The following DEFB119 variants were observed in gnomAD, a reference collection of about 807,000 sequenced individuals.
The protein encoded by DEFB119 is defensin beta 119.
A neutral mutation model predicts 2.5 loss-of-function variants in DEFB119; 3 were observed. That is an observed-to-expected ratio of 1.19 (90% CI 0.54 to 3.07). The LOEUF is 3.07. DEFB119 is among the 30% of genes most tolerant of loss of function. The pLI is 0.03. For missense variants in DEFB119, 113 were observed against 101.1 expected, an observed-to-expected ratio of 1.12 and a Z score of -0.50; for synonymous variants, 29 against 33.7, an observed-to-expected ratio of 0.86 and a Z score of 0.48.
intron 1 of DEFB119, among the ~76,000 whole-genome samples, chr20:31,381,987 G>A (rs751849923): frequency 5.9e-5 from 9 of 152,192 alleles, no homozygotes; most frequent in Non-Finnish European, 1.2e-4. Context: ...AAGAGGGCTG[G>A]TATGACTTTA....
At chr20:31,387,816 G>A (rs146044236) in intron 1 of DEFB119, among the ~76,000 whole-genome samples, 320 of 152,296 alleles carry the variant, frequency 2.1e-3, no homozygotes, top group African/African-American at 7.0e-3. Flanking sequence ...GAGGAGGGCA[G>A]GCAGAGGCTC....
chr20:31,386,810 C>CTTTTTTT (rs148428945), intron 1 of DEFB119, among the ~76,000 whole-genome samples: 825 of 108,852 alleles, frequency 7.6e-3, no homozygotes, highest in Middle Eastern at 0.014. Flanking sequence ...TTTTCTTTTT[C>CTTTTTTT]TTTTTTTTTT....
chr20:31,387,987 G>A, intron 1 of DEFB119: 1 of 850,550 alleles, frequency 1.2e-6, no homozygotes. Flanking sequence ...CTGTCTCTAT[G>A]CCATGAACCA....
At chr20:31,388,077 A>T in intron 1 of DEFB119, 1 of 985,442 alleles carries the variant, frequency 1.0e-6, no homozygotes, top group Non-Finnish European at 1.2e-6. Flanking sequence ...TGTTGGTTAA[A>T]TGGGGCCCAG....
At chr20:31,383,053 G>A (rs915577668) in intron 1 of DEFB119, among the ~76,000 whole-genome samples, 2 of 152,144 alleles carry the variant, frequency 1.3e-5, no homozygotes, top group African/African-American at 4.8e-5. Flanking sequence ...GAGTGCTGAG[G>A]GAAAAGTTCA....
chr20:31,381,888 A>G (rs1397084507), intron 1 of DEFB119, among the ~76,000 whole-genome samples: 3 of 152,220 alleles, frequency 2.0e-5, no homozygotes, highest in African/African-American at 4.8e-5. Context: ...CTATTTACAC[A>G]GCAATGTCAA....
chr20:31,389,717 A>G (rs1986853207), intron 1 of DEFB119, among the ~76,000 whole-genome samples: 1 of 152,022 alleles, frequency 6.6e-6, no homozygotes, highest in Non-Finnish European at 1.5e-5. Context: ...TTGACCCTAT[A>G]TTAACCCAAT....
At chr20:31,380,561 T>A (rs1024986046) in intron 1 of DEFB119, among the ~76,000 whole-genome samples, 2 of 152,186 alleles carry the variant, frequency 1.3e-5, no homozygotes, top group Non-Finnish European at 1.5e-5. Context: ...CCACCACGCC[T>A]GGCGGTTATG....
intron 1 of DEFB119, 72 bp from the exon 2 acceptor site, chr20:31,377,511 T>C: frequency 6.6e-7 from 1 of 1,513,434 alleles, no homozygotes; most frequent in Middle Eastern, 1.9e-4. Flanking sequence ...TCGGGAAGCA[T>C]CATAAAAACC....
intron 1 of DEFB119, among the ~76,000 whole-genome samples, 166 bp from the exon 2 acceptor site, chr20:31,377,605 T>G (rs1437228078): frequency 1.3e-5 from 2 of 152,196 alleles, no homozygotes; most frequent in African/African-American, 4.8e-5. Flanking sequence ...TTTTCTCTAT[T>G]TGTCCTGCCA....
Position 31,380,963 on chromosome 20 carries a change from C to T in DEFB119, c.62-3524G>A, listed in dbSNP as rs563133424. Among the ~76,000 whole-genome samples, 21 of 152,212 alleles carry T rather than the reference C, an allele frequency of 1.4e-4. No homozygotes were observed. In the South Asian group the frequency reaches 4.4e-3, roughly 32 times the overall value. ...GACAGAATAATCTGGTCTATATCTA[C>T]AAAAAATCTTGCTGGGATTTTGACA... is the stretch of plus-strand genomic sequence containing the variant. On this transcript the variant is annotated intron_variant, in intron 1 of 1. Transcript: ENST00000376321.
chr20:31,383,652 G>A (rs1013463578), intron 1 of DEFB119, among the ~76,000 whole-genome samples: 10 of 151,654 alleles, frequency 6.6e-5, no homozygotes, highest in African/African-American at 1.9e-4. Flanking sequence ...TGGCTAACAC[G>A]GTGAAACCCC....
At chr20:31,382,909 G>A (rs147179374) in intron 1 of DEFB119, among the ~76,000 whole-genome samples, 70 of 152,284 alleles carry the variant, frequency 4.6e-4, no homozygotes, top group African/African-American at 1.5e-3. Context: ...AACATAATAC[G>A]TGTCATAACT....
At chr20:31,387,264 T>A (rs1986742587) in intron 1 of DEFB119, among the ~76,000 whole-genome samples, 1 of 152,174 alleles carries the variant, frequency 6.6e-6, no homozygotes, top group Non-Finnish European at 1.5e-5. Context: ...CATAAATATG[T>A]GCAATTATTA....
chr20:31,388,862 C>T, intron 1 of DEFB119: 1 of 1,298,340 alleles, frequency 7.7e-7, no homozygotes, highest in East Asian at 2.5e-5. Flanking sequence ...ATCGCTATGA[C>T]CCAGCCCTAG....
At chr20:31,378,521 CT>C in intron 1 of DEFB119, 1 of 1,413,190 alleles carries the variant, frequency 7.1e-7, no homozygotes, top group Non-Finnish European at 9.5e-7. Context: ...AAAATCTTAA[CT>C]TTAATGAAAA....
At chr20:31,379,993 T>G (rs1986449633) in intron 1 of DEFB119, among the ~76,000 whole-genome samples, 1 of 152,324 alleles carries the variant, frequency 6.6e-6, no homozygotes, top group African/African-American at 2.4e-5. Context: ...GAGTTGTTTC[T>G]ATGTTCCAGA....
At chr20:31,379,538 G>C (rs1255501356) in intron 1 of DEFB119, among the ~76,000 whole-genome samples, 1 of 151,744 alleles carries the variant, frequency 6.6e-6, no homozygotes, top group Non-Finnish European at 1.5e-5. Context: ...TTTGTCGCCA[G>C]GCTGCAGTGC....
chr20:31,379,760 G>C (rs1259375438), intron 1 of DEFB119, among the ~76,000 whole-genome samples: 1 of 151,682 alleles, frequency 6.6e-6, no homozygotes, highest in Non-Finnish European at 1.5e-5. Context: ...CTGCATCCCG[G>C]GTTCACACCA....
Sources: gnomAD v4.1 joint callset for allele counts (sites outside exome capture counted in the v4.1 genomes callset) on GRCh38, gnomAD v4.1.1 for gene constraint, MANE v1.5 for transcripts, NCBI Gene and HGNC (gene_info 2026-07-23, HGNC 2026-07-21) for gene names.